The following KCNJ14 variants were observed in gnomAD, a reference collection of about 807,000 sequenced individuals.
The protein encoded by KCNJ14 is potassium inwardly rectifying channel subfamily J member 14.
Under a neutral mutation model 24.5 loss-of-function variants are expected in KCNJ14, and 18 were observed. That is an observed-to-expected ratio of 0.74 (90% CI 0.51 to 1.09). KCNJ14 has a LOEUF of 1.09. Among genes scored for constraint, KCNJ14 ranks in the 50% least tolerant of loss-of-function variants. KCNJ14 has a pLI of 0.00. For synonymous variants in KCNJ14, 288 were observed against 270.8 expected (o/e 1.06, Z -0.63); for missense variants, 633 against 623.0 (o/e 1.02, Z -0.17).
At position 48,462,132 on chromosome 19, in the gene KCNJ14, C is replaced by T; in HGVS notation, c.408C>T (p.Ala136=). 1 of 1,596,072 alleles carries T rather than the reference C, an allele frequency of 6.3e-7. No individual in the cohort carries two copies. Among genetic ancestry groups the T allele is most frequent in the Non-Finnish European group, 8.5e-7 (1 of 1,172,622 alleles). The change falls in exon 2 of 3, where the codon GCC becomes GCT. Residue 136 remains alanine (A), a synonymous_variant. Coordinates refer to ENST00000342291, the MANE Select transcript of KCNJ14 (RefSeq NM_013348.4). The surrounding 1 kb of genome is among the most constrained non-coding windows in gnomAD (Gnocchi z 4.9). ...PCFSHVASFL[A]AFLFALETQT... is the part of the protein sequence containing the mutation. ...TCTCACACGTGGCCAGCTTCCTGGCCGCCTTCCTCTTCGCGCTGGAGACGC... is the reference window on the plus strand; with the variant it reads ...TCTCACACGTGGCCAGCTTCCTGGCTGCCTTCCTCTTCGCGCTGGAGACGC...
Position 48,462,036 on chromosome 19 carries a change from C to T in KCNJ14, c.312C>T (p.Phe104=), listed in dbSNP as rs775037300. 2.5e-6 allele frequency: 4 copies of T among 1,611,746 alleles called. No individual in the cohort carries two copies. The South Asian group carries it at 3.3e-5, about 13-fold the overall frequency. ...CCTTCCTCGCCTCCTGGCTGCTCTT[C>T]GGCCTGGCCTTCTGGCTCATTGCCT... The part of the protein sequence containing the change: ...SCSFLASWLL[F]GLAFWLIASL... The change falls in exon 2 of 3, where the codon TTC becomes TTT. Residue 104 remains phenylalanine, a synonymous_variant. Coordinates refer to ENST00000342291, the MANE Select transcript of KCNJ14 (RefSeq NM_013348.4). The surrounding 1 kb of genome is among the most constrained non-coding windows in gnomAD (Gnocchi z 4.9).
intron 2 of KCNJ14, among the ~76,000 whole-genome samples, chr19:48,463,440 G>A (rs751075979): frequency 1.1e-4 from 16 of 152,168 alleles, no homozygotes; most frequent in Non-Finnish European, 2.4e-4. Context: ...ACTGGCTCTT[G>A]CAGAAGTCGG....
rs376747285 is a variant in KCNJ14, at chr19:48,462,315, G to A, written c.591G>A (p.Thr197=). The A allele has an allele frequency of 1.9e-6, 3 of 1,547,924 alleles. No homozygotes were observed. Among genetic ancestry groups the A allele is most frequent in the Admixed American group, 1.9e-5 (1 of 51,516 alleles). ...KMAKPKKRNE[T]LVFSENAVVA... The stretch of plus-strand genomic sequence containing the variant: ...CCAAACCCAAGAAGCGCAACGAGAC[G>A]CTGGTCTTCAGCGAGAACGCCGTCG... Residue 197 remains threonine (T), a synonymous_variant, in exon 2 of 3, where the codon ACG becomes ACA. Transcript: ENST00000342291. This position sits in a 1 kb window ranked among gnomAD's most constrained non-coding sequence, Gnocchi z 4.9.
chr19:48,462,469 G>A lies in KCNJ14; in HGVS notation c.714+31G>A. The A allele has an allele frequency of 7.0e-7, 1 of 1,424,506 alleles. No homozygotes were observed. Among genetic ancestry groups the A allele is most frequent in the Non-Finnish European group, 9.3e-7 (1 of 1,077,152 alleles). 88.2% of individuals were successfully genotyped at this position (1,424,506 alleles called of 1,614,324 possible). A position where few individuals can be genotyped will look rare whatever the true frequency, so the allele number is the denominator to read the frequency against. ...CCCGGGAGGAGAGGCGGGGACTTCC[G>A]TGAGCCCTGGGGGATTGTGGGAGAT... On this transcript the variant is annotated intron_variant, in intron 2 of 2. Coordinates refer to ENST00000342291, the MANE Select transcript of KCNJ14 (RefSeq NM_013348.4). This position sits in a 1 kb window ranked among gnomAD's most constrained non-coding sequence, Gnocchi z 4.9.
In KCNJ14 at chr19:48,462,772, G is replaced by A. The variant is rs903571816; in HGVS notation, c.714+334G>A. On this transcript the variant is annotated intron_variant, in intron 2 of 2. Transcript: ENST00000342291. This position sits in a 1 kb window ranked among gnomAD's most constrained non-coding sequence, Gnocchi z 4.9. The stretch of plus-strand genomic sequence containing the variant: ...ATTCCCAGAAGCCTCTGGGTCAAGG[G>A]ACCTGTCCAAAGATGGGGTGGCCTC... Among the ~76,000 whole-genome samples, 46 of 152,184 alleles carry A rather than the reference G, an allele frequency of 3.0e-4. No homozygotes were observed. Among genetic ancestry groups the A allele is most frequent in the Non-Finnish European group, 6.2e-4 (42 of 68,026 alleles).
Position 48,461,771 on chromosome 19 carries a change from C to T in KCNJ14, c.47C>T (p.Ser16Leu), listed in dbSNP as rs1601011181. 2.1e-6 allele frequency: 3 copies of T among 1,451,980 alleles called. No homozygotes were observed. In the South Asian group the frequency reaches 4.4e-5, roughly 21 times the overall value. The allele number at this position is 1,451,980 out of a possible 1,614,324, so 89.9% of individuals were successfully genotyped here. A position where few individuals can be genotyped will look rare whatever the true frequency, so the allele number is the denominator to read the frequency against. ...CGCCGCCTCAGCGGCGCCCTGGATT[C>T]GGGAGACAGCCGGGCGGGCGATGAA... ...ALRRLSGALD[S>L]GDSRAGDEEE... Residue 16 changes from serine to leucine, a missense_variant, in exon 2 of 3, where the codon TCG becomes TTG. Coordinates refer to ENST00000342291, the MANE Select transcript of KCNJ14 (RefSeq NM_013348.4).
rs944723480 is a variant in KCNJ14 at position 48,465,355 on chromosome 19, G to C, written c.*578G>C. On this transcript the variant is annotated 3_prime_UTR_variant, in exon 3 of 3. Transcript: ENST00000342291. ...AAAAAAAGACCTGTGGTTCCAGAAA[G>C]CTCATTAGTTGAGATTCTGTGAGTC... 2 of 153,194 alleles carry C rather than the reference G, an allele frequency of 1.3e-5. No homozygotes were observed. Among genetic ancestry groups the C allele is most frequent in the Non-Finnish European group, 2.9e-5 (2 of 69,018 alleles). The allele number at this position is 153,194 out of a possible 1,614,324, so 9.5% of individuals were successfully genotyped here. A position where few individuals can be genotyped will look rare whatever the true frequency, so the allele number is the denominator to read the frequency against.
intron 1 of KCNJ14, chr19:48,456,687 C>G (rs1266082457): frequency 6.6e-6 from 1 of 152,230 alleles, no homozygotes; most frequent in African/African-American, 2.4e-5. Context: ...CTGATCCAGC[C>G]AGTTCCTGGG....
At position 48,461,550 on chromosome 19, in the gene KCNJ14, A is replaced by AAAAAAAAAAAAAAAAAG. The variant is rs370425889; in HGVS notation, c.-55-120_-55-119insAAAAAAAAAAAAAAAAG. The stretch of plus-strand genomic sequence containing the variant: ...CTCCAAAAAAAAAAAAAAAAAAAAA[A>AAAAAAAAAAAAAAAAAG]TGCGTATCGTTCCACCTATTTGACA... On this transcript the variant is annotated intron_variant, in intron 1 of 2. Transcript: ENST00000342291. 2.1e-3 allele frequency: 737 copies of AAAAAAAAAAAAAAAAAG among 351,360 alleles called. 123 individuals are homozygous for AAAAAAAAAAAAAAAAAG. The highest frequency in any genetic ancestry group is 0.02 in the African/African-American group (640 of 32,630). 21.8% of individuals were successfully genotyped at this position (351,360 alleles called of 1,614,324 possible).
chr19:48,462,051 G>C lies in KCNJ14; in HGVS notation c.327G>C (p.Trp109Cys), dbSNP rs1971605481. The change falls in exon 2 of 3, where the codon TGG (tryptophan) becomes TGC (cysteine). Residue 109 changes from tryptophan to cysteine, a missense_variant. Physicochemically the swap from Trp to Cys is radical, Grantham distance 215. Transcript: ENST00000342291. This position sits in a 1 kb window ranked among gnomAD's most constrained non-coding sequence, Gnocchi z 4.9. ...GGCTGCTCTTCGGCCTGGCCTTCTG[G>C]CTCATTGCCTCGCTGCACGGCGACC... ...ASWLLFGLAF[W>C]LIASLHGDLA... The C allele has an allele frequency of 1.9e-6, 3 of 1,610,756 alleles. No individual in the cohort carries two copies. The highest frequency in any genetic ancestry group is 2.5e-6 in the Non-Finnish European group (3 of 1,179,602).
At chr19:48,457,165 AG>A (rs1971548574) in intron 1 of KCNJ14, 1 of 151,974 alleles carries the variant, frequency 6.6e-6, no homozygotes, top group South Asian at 2.1e-4. Context: ...TTTTTAAGAT[AG>A]GGTCTCGCCA....
chr19:48,462,360 C>T lies in KCNJ14; in HGVS notation c.636C>T (p.Arg212=). 1 of 1,540,452 alleles carries T rather than the reference C, an allele frequency of 6.5e-7. No individual in the cohort carries two copies. Among genetic ancestry groups the T allele is most frequent in the Non-Finnish European group, 8.8e-7 (1 of 1,138,418 alleles). Residue 212 remains arginine, a synonymous_variant, in exon 2 of 3, where the codon CGC becomes CGT. Transcript: ENST00000342291. The surrounding 1 kb of genome is among the most constrained non-coding windows in gnomAD (Gnocchi z 4.9). The part of the protein sequence containing the change: ...ENAVVALRDH[R]LCLMWRVGNL... ...CCGTCGTGGCGCTGCGCGACCACCG[C>T]CTCTGCCTCATGTGGCGCGTCGGCA...
At chr19:48,460,627 C>T (rs993606784) in intron 1 of KCNJ14, among the ~76,000 whole-genome samples, 17 of 152,176 alleles carry the variant, frequency 1.1e-4, no homozygotes, top group Non-Finnish European at 2.5e-4. Context: ...CATAGGCTTG[C>T]TCTGAGGTTC....
Position 48,464,215 on chromosome 19 carries a change from TG to T in KCNJ14, c.751del (p.Asp251ThrfsTer37). ...RVTPEGEYIP[L>X]DHQDVDVGFD... ...ACCCCAGAGGGTGAGTACATCCCGCTGGACCACCAGGATGTGGATGTGGGCT... is the reference window on the plus strand; with the variant it reads ...ACCCCAGAGGGTGAGTACATCCCGCTGACCACCAGGATGTGGATGTGGGCT... On this transcript the variant is annotated frameshift_variant, in exon 3 of 3. Transcript: ENST00000342291. LOFTEE classifies it high-confidence loss of function. The T allele has an allele frequency of 6.2e-7, 1 of 1,614,172 alleles. No individual in the cohort carries two copies. The highest frequency in any genetic ancestry group is 1.1e-5 in the South Asian group (1 of 91,084).
At chr19:48,456,571 T>C (rs1310677463) in intron 1 of KCNJ14, 1 of 152,220 alleles carries the variant, frequency 6.6e-6, no homozygotes, top group African/African-American at 2.4e-5. Context: ...AACTTGACAT[T>C]GTCTCATGGT....
chr19:48,462,435 G>C lies in KCNJ14; in HGVS notation c.711G>C (p.Leu237=). The C allele has an allele frequency of 6.8e-7, 1 of 1,470,794 alleles. No individual in the cohort carries two copies. The highest frequency in any genetic ancestry group is 2.5e-5 in the East Asian group (1 of 40,024). The allele number at this position is 1,470,794 out of a possible 1,614,324, so 91.1% of individuals were successfully genotyped here. A position where few individuals can be genotyped will look rare whatever the true frequency, so the allele number is the denominator to read the frequency against. The change falls in exon 2 of 3, where the codon CTG becomes CTC. Residue 237 remains leucine (L), a synonymous_variant. Coordinates refer to ENST00000342291, the MANE Select transcript of KCNJ14 (RefSeq NM_013348.4). The surrounding 1 kb of genome is among the most constrained non-coding windows in gnomAD (Gnocchi z 4.9). ...LVEAHVRAQL[L]QPRVTPEGEY... ...AGGCCCACGTGCGTGCCCAGCTGCT[G>C]CAGGTGCGCCCGGGAGGAGAGGCGG...
intron 1 of KCNJ14, among the ~76,000 whole-genome samples, chr19:48,459,418 A>G (rs1296353349): frequency 2.0e-5 from 3 of 152,040 alleles, no homozygotes; most frequent in Admixed American, 6.5e-5. Context: ...TTTTTGAGAC[A>G]TGGTCTTGCT....
In KCNJ14 at chr19:48,464,914, G is replaced by T; in HGVS notation, c.*137G>T. ...TGCTGGGTAAATGACTAGGTGGTAAGGTTCTGCCATGCCTGGTGACCCACC... is the reference window on the plus strand; with the variant it reads ...TGCTGGGTAAATGACTAGGTGGTAATGTTCTGCCATGCCTGGTGACCCACC... On this transcript the variant is annotated 3_prime_UTR_variant, in exon 3 of 3. Coordinates refer to ENST00000342291, the MANE Select transcript of KCNJ14 (RefSeq NM_013348.4). 1.5e-6 allele frequency: 1 copy of T among 689,038 alleles called. No individual in the cohort carries two copies. Among genetic ancestry groups the T allele is most frequent in the Non-Finnish European group, 2.5e-6 (1 of 400,660 alleles). 42.7% of individuals were successfully genotyped at this position (689,038 alleles called of 1,614,324 possible).
chr19:48,458,585 T>C (rs999692755), intron 1 of KCNJ14, among the ~76,000 whole-genome samples: 1 of 152,090 alleles, frequency 6.6e-6, no homozygotes, highest in Non-Finnish European at 1.5e-5. Context: ...AATTTTTGGA[T>C]TTTTAATAGA....
Sources: gnomAD v4.1 joint callset for allele counts (sites outside exome capture counted in the v4.1 genomes callset) on GRCh38, gnomAD v4.1.1 for gene constraint, Gnocchi (gnomAD v3.1) non-coding constraint, MANE v1.5 for transcripts, NCBI Gene and HGNC (gene_info 2026-07-23, HGNC 2026-07-21) for gene names.